Variants in CDC42BPA observed in about 807,000 individuals in gnomAD.
The protein encoded by CDC42BPA is serine/threonine-protein kinase MRCK alpha.
A neutral mutation model predicts 223.5 loss-of-function variants in CDC42BPA; 80 were observed. The ratio of observed to expected loss-of-function variants is 0.36; its 90% confidence interval spans 0.30 to 0.43. The LOEUF (loss-of-function observed/expected upper bound fraction) is 0.43. CDC42BPA is among the 20% of genes least tolerant of loss of function. The pLI, the probability that CDC42BPA is intolerant of heterozygous loss-of-function variation, is 1.00. For missense variants in CDC42BPA, 1,743 were observed against 2,099.9 expected (o/e 0.83, Z 3.32); for synonymous variants, 694 against 718.6 (o/e 0.97, Z 0.55).
intron 1 of CDC42BPA, among the ~76,000 whole-genome samples, chr1:227,280,794 T>C (rs1323078781): frequency 6.6e-6 from 1 of 152,254 alleles, no homozygotes; most frequent in Non-Finnish European, 1.5e-5. Context: ...TTCTGTTTCC[T>C]AATAGGGATC....
Position 227,080,947 on chromosome 1 carries a change from T to C in CDC42BPA, c.2426A>G (p.Asp809Gly), listed in dbSNP as rs1482939887. 9 of 1,613,770 alleles carry C rather than the reference T, an allele frequency of 5.6e-6. No individual in the cohort carries two copies. The highest frequency in any genetic ancestry group is 2.7e-5 in the African/African-American group (2 of 74,934). The stretch of plus-strand genomic sequence containing the variant: ...CCAATGTGCAACTGATTCTTTCTTG[T>C]CTGCTAGATCTTTAACCTCTTCTTC... ...QLEEEVKDLA[D>G]KKESVAHWEA... The change falls in exon 17 of 37, where the codon GAC (aspartate) becomes GGC (glycine). Residue 809 changes from aspartate to glycine, a missense_variant. Physicochemically the swap from Asp to Gly is moderately conservative, Grantham distance 94. This residue lies in a region of CDC42BPA where 464 missense variants were observed against 488.0 expected (regional missense o/e 0.95). Coordinates refer to ENST00000366766, the MANE Select transcript of CDC42BPA (RefSeq NM_001394014.1).
chr1:227,105,535 G>A (rs936514301), intron 14 of CDC42BPA, among the ~76,000 whole-genome samples: 1 of 151,494 alleles, frequency 6.6e-6, no homozygotes, highest in Non-Finnish European at 1.5e-5. Flanking sequence ...TTAATTTTCT[G>A]TAGAGATGGG....
At chr1:227,152,055 C>G (rs1051806048) in intron 6 of CDC42BPA, among the ~76,000 whole-genome samples, 1 of 151,740 alleles carries the variant, frequency 6.6e-6, no homozygotes, top group Admixed American at 6.6e-5. Flanking sequence ...AAATAAATAC[C>G]TTGTCCATTT....
At chr1:227,129,342 C>T (rs1656505553) in intron 10 of CDC42BPA, 111 bp from the exon 11 acceptor site, 1 of 782,624 alleles carries the variant, frequency 1.3e-6, no homozygotes, top group East Asian at 2.9e-5. Context: ...TAGAACAAAA[C>T]ATCTACTCAC....
intron 22 of CDC42BPA, among the ~76,000 whole-genome samples, chr1:227,050,619 A>G (rs768156150): frequency 2.6e-5 from 4 of 152,196 alleles, no homozygotes; most frequent in Non-Finnish European, 5.9e-5. Flanking sequence ...AATGAACTAA[A>G]TGAACACATA....
rs374928369 is a variant in CDC42BPA, at chr1:227,073,944, A to C, written c.2655T>G (p.Ala885=). The C allele has an allele frequency of 3.7e-6, 6 of 1,612,544 alleles. No individual in the cohort carries two copies. Among genetic ancestry groups the C allele is most frequent in the Non-Finnish European group, 4.2e-6 (5 of 1,179,546 alleles). Reference sequence around the variant, plus strand: ...GTTTGGCTCTTATTTCTGCATCCAGAGCCGACTGCAACTCCAGTCTAGCTG... The same window carrying C: ...GTTTGGCTCTTATTTCTGCATCCAGCGCCGACTGCAACTCCAGTCTAGCTG... ...DMSARLELQS[A]LDAEIRAKQA... is the part of the protein sequence containing the mutation. The change falls in exon 19 of 37, where the codon GCT becomes GCG. Residue 885 remains alanine, a synonymous_variant. Coordinates refer to ENST00000366766, the MANE Select transcript of CDC42BPA (RefSeq NM_001394014.1).
At chr1:227,236,217 T>C (rs917117049) in intron 2 of CDC42BPA, among the ~76,000 whole-genome samples, 5 of 152,218 alleles carry the variant, frequency 3.3e-5, no homozygotes, top group African/African-American at 1.2e-4. Flanking sequence ...GGATATAGAT[T>C]TGACTGAATG....
rs190925903 is a variant in CDC42BPA, at chr1:227,297,082, C to T, written c.178+19923G>A. 1.4e-3 allele frequency among the ~76,000 whole-genome samples: 213 copies of T among 152,182 alleles called. 1 individual carries two copies. Among genetic ancestry groups the T allele is most frequent in the African/African-American group, 5.0e-3 (209 of 41,532 alleles). On this transcript the variant is annotated intron_variant, in intron 1 of 36. Coordinates refer to ENST00000366766, the MANE Select transcript of CDC42BPA (RefSeq NM_001394014.1). ...ACCTTCTGCTCAATTTCACTGTGAA[C>T]CTAAAACTTTTCTAAAAATAGTCTA...
intron 26 of CDC42BPA, 99 bp downstream of exon 26, chr1:227,034,556 T>C: frequency 9.2e-7 from 1 of 1,086,116 alleles, no homozygotes; most frequent in South Asian, 1.7e-5. Flanking sequence ...ACGAAATTAG[T>C]TCATTTAAAT....
intron 10 of CDC42BPA, among the ~76,000 whole-genome samples, chr1:227,133,869 T>A (rs1218931879): frequency 3.3e-5 from 5 of 152,108 alleles, no homozygotes; most frequent in South Asian, 2.1e-4. Context: ...CAGAGACCTT[T>A]GTTCACTTGT....
chr1:227,152,973 A>T (rs1035122101), intron 6 of CDC42BPA, among the ~76,000 whole-genome samples: 9 of 151,934 alleles, frequency 5.9e-5, no homozygotes, highest in African/African-American at 1.4e-4. Context: ...AGATTTTTTA[A>T]AAATTCATTA....
chr1:227,184,276 A>G (rs1668405027), intron 5 of CDC42BPA, among the ~76,000 whole-genome samples: 1 of 152,078 alleles, frequency 6.6e-6, no homozygotes, highest in African/African-American at 2.4e-5. Context: ...GATCCAGAAA[A>G]TGTTCTCCAA....
chr1:227,230,820 C>CTT (rs1198828997), intron 2 of CDC42BPA, among the ~76,000 whole-genome samples: 2 of 91,606 alleles, frequency 2.2e-5, no homozygotes, highest in African/African-American at 8.7e-5. Flanking sequence ...TTCTTTCTTT[C>CTT]TTTTTTTTTT....
chr1:227,043,121 T>C (rs1019465738), intron 23 of CDC42BPA, among the ~76,000 whole-genome samples: 1 of 152,074 alleles, frequency 6.6e-6, no homozygotes, highest in Non-Finnish European at 1.5e-5. Context: ...TTTAAAGAAA[T>C]TAAATTTTCT....
At chr1:227,039,374 CT>C in intron 24 of CDC42BPA, among the ~76,000 whole-genome samples, 1 of 152,044 alleles carries the variant, frequency 6.6e-6, no homozygotes, top group East Asian at 1.9e-4. Context: ...TTTCCACAAG[CT>C]TTTTGAAGTC....
intron 3 of CDC42BPA, among the ~76,000 whole-genome samples, chr1:227,200,431 AAAAAACAAACAAAC>A (rs1378946204): frequency 1.6e-5 from 1 of 60,668 alleles, no homozygotes; most frequent in Non-Finnish European, 3.5e-5. Context: ...ACCTTGCCTT[AAAAAACAAACAAAC>A]AAAAAAAAAA....
At chr1:227,277,701 A>G (rs1687339543) in intron 1 of CDC42BPA, among the ~76,000 whole-genome samples, 1 of 152,206 alleles carries the variant, frequency 6.6e-6, no homozygotes, top group Non-Finnish European at 1.5e-5. Flanking sequence ...TTTTTACTAA[A>G]AATTTAAAAT....
At chr1:227,063,989 C>CA (rs1199636555) in intron 21 of CDC42BPA, among the ~76,000 whole-genome samples, 2 of 152,162 alleles carry the variant, frequency 1.3e-5, no homozygotes, top group Non-Finnish European at 2.9e-5. Flanking sequence ...AGATGTTATA[C>CA]AAGGTTAAAA....
At chr1:227,195,027 T>A (rs1670431207) in intron 4 of CDC42BPA, among the ~76,000 whole-genome samples, 1 of 152,096 alleles carries the variant, frequency 6.6e-6, no homozygotes, top group African/African-American at 2.4e-5. Flanking sequence ...CTTGAAAAAA[T>A]TCAAATTCCT....
Sources: allele counts gnomAD v4.1 joint callset (sites outside exome capture counted in the v4.1 genomes callset), GRCh38; gene constraint gnomAD v4.1.1; regional missense constraint gnomAD v4.1.1; transcripts MANE v1.5; gene names NCBI Gene and HGNC (gene_info 2026-07-23, HGNC 2026-07-21).